Variants in HPSE2 observed in about 807,000 individuals in gnomAD.
The protein encoded by HPSE2 is heparanase 2 (inactive), also known as inactive heparanase-2.
In HPSE2, 38 loss-of-function variants were observed where a neutral mutation model predicts 60.5. The ratio of observed to expected loss-of-function variants is 0.63; its 90% CI spans 0.48 to 0.82. The LOEUF (loss-of-function observed/expected upper bound fraction) is 0.82, where lower values mean the gene tolerates loss of function less well. Ranked by LOEUF, HPSE2 falls within the 40% of genes least tolerant of loss-of-function variation. HPSE2 has a pLI of 0.00. For synonymous variants in HPSE2, 295 were observed against 293.2 expected, an observed-to-expected ratio of 1.01 and a Z score of -0.06; for missense variants, 713 against 740.4, an observed-to-expected ratio of 0.96 and a Z score of 0.43.
intron 3 of HPSE2, among the ~76,000 whole-genome samples, chr10:98,823,241 G>T (rs1360962932): frequency 1.3e-5 from 2 of 152,196 alleles, no homozygotes; most frequent in Non-Finnish European, 2.9e-5. Context: ...CAAAGTGTAG[G>T]ATGATAAATT....
the HPSE2 span, among the ~76,000 whole-genome samples, chr10:99,242,361 CTCA>C: frequency 6.6e-6 from 1 of 152,138 alleles, no homozygotes; most frequent in East Asian, 1.9e-4. Context: ...ATTGCTCCAC[CTCA>C]TCATATTAAG....
chr10:98,834,859 T>C (rs1951758085), intron 3 of HPSE2, among the ~76,000 whole-genome samples: 1 of 152,132 alleles, frequency 6.6e-6, no homozygotes, highest in Non-Finnish European at 1.5e-5. Flanking sequence ...AACAATGTCA[T>C]TCTTCTCACC....
At chr10:98,766,658 C>T (rs556342120) in intron 3 of HPSE2, among the ~76,000 whole-genome samples, 7 of 152,262 alleles carry the variant, frequency 4.6e-5, no homozygotes, top group South Asian at 4.1e-4. Flanking sequence ...GGTGTGGTGA[C>T]GCATGCCTGT....
At chr10:99,285,567 G>C in the HPSE2 span, among the ~76,000 whole-genome samples, 1 of 151,070 alleles carries the variant, frequency 6.6e-6, no homozygotes, top group Non-Finnish European at 1.5e-5. Flanking sequence ...GGAAGGGAAA[G>C]GTGAGGGATG....
chr10:98,764,264 T>C (rs1950070487), intron 3 of HPSE2, among the ~76,000 whole-genome samples: 1 of 151,798 alleles, frequency 6.6e-6, no homozygotes, highest in East Asian at 1.9e-4. Flanking sequence ...TAGTCAAAAA[T>C]CAATAAATTC....
intron 3 of HPSE2, among the ~76,000 whole-genome samples, chr10:98,946,996 G>A (rs1785192076): frequency 6.9e-6 from 1 of 145,598 alleles, no homozygotes; most frequent in South Asian, 2.1e-4. Flanking sequence ...AAACCATGGG[G>A]CCCATAAGGA....
At chr10:98,856,061 T>C (rs540671865) in intron 3 of HPSE2, among the ~76,000 whole-genome samples, 25 of 152,192 alleles carry the variant, frequency 1.6e-4, no homozygotes, top group East Asian at 1.5e-3. Flanking sequence ...ACTCCTGAGG[T>C]TGACTCAAAC....
At chr10:98,783,067 T>C (rs1032406172) in intron 3 of HPSE2, among the ~76,000 whole-genome samples, 1 of 94,840 alleles carries the variant, frequency 1.1e-5, no homozygotes, top group Non-Finnish European at 2.1e-5. Flanking sequence ...ATTAGGTATA[T>C]CTCCCAATGC....
intron 3 of HPSE2, among the ~76,000 whole-genome samples, chr10:99,128,619 G>T (rs1051069967): frequency 2.0e-5 from 3 of 152,032 alleles, no homozygotes; most frequent in African/African-American, 7.2e-5. Flanking sequence ...CTTATAAGTG[G>T]GACCTAAACA....
intron 11 of HPSE2, chr10:98,461,949 G>A (rs1389348195): frequency 1.4e-6 from 1 of 730,120 alleles, no homozygotes; most frequent in African/African-American, 1.8e-5. Context: ...GTAGAACCAG[G>A]AAGCATGGTG....
chr10:98,552,445 A>G (rs373442960), intron 9 of HPSE2, among the ~76,000 whole-genome samples: 74 of 152,290 alleles, frequency 4.9e-4, no homozygotes, highest in Middle Eastern at 6.8e-3. Flanking sequence ...AAAGCGGGAT[A>G]TAAGGGTCTG....
rs376584258 is a variant in HPSE2 at position 98,905,599 on chromosome 10, C to G, written c.611-161543G>C. 6.5e-4 allele frequency among the ~76,000 whole-genome samples: 99 copies of G among 152,252 alleles called. 1 individual carries two copies. The East Asian group carries it at 0.011, about 17-fold the overall frequency. ...GGATATACCCATGGCATTTCAGTGA[C>G]CCCTGCTCCCAGACCAGCATTAAAC... is the stretch of plus-strand genomic sequence containing the variant. On this transcript the variant is annotated intron_variant, in intron 3 of 11. Coordinates refer to ENST00000370552, the MANE Select transcript of HPSE2 (RefSeq NM_021828.5).
At chr10:98,549,173 C>T (rs893643904) in intron 9 of HPSE2, among the ~76,000 whole-genome samples, 2 of 152,102 alleles carry the variant, frequency 1.3e-5, no homozygotes, top group Non-Finnish European at 2.9e-5. Context: ...GCTTATACCA[C>T]TTACTGTCTC....
chr10:99,266,946 G>A, the HPSE2 span, among the ~76,000 whole-genome samples: 1 of 152,174 alleles, frequency 6.6e-6, no homozygotes, highest in Non-Finnish European at 1.5e-5. Context: ...CCTAGGGGAA[G>A]GGGGAGAATA....
intron 2 of HPSE2, among the ~76,000 whole-genome samples, chr10:99,191,566 G>A (rs1848223649): frequency 6.6e-6 from 1 of 152,184 alleles, no homozygotes; most frequent in Non-Finnish European, 1.5e-5. Flanking sequence ...CTTGGCTTGG[G>A]GTGCCCCCTC....
intron 5 of HPSE2, among the ~76,000 whole-genome samples, chr10:98,716,893 G>C (rs974329160): frequency 2.6e-5 from 4 of 151,952 alleles, no homozygotes; most frequent in Non-Finnish European, 5.9e-5. Flanking sequence ...TGTTATCCAG[G>C]CTGTATTGTT....
intron 3 of HPSE2, among the ~76,000 whole-genome samples, chr10:98,868,976 G>A (rs1340188464): frequency 2.6e-5 from 4 of 151,946 alleles, no homozygotes; most frequent in African/African-American, 7.3e-5. Context: ...ATTTAGACTT[G>A]CTTTTTGTGG....
At chr10:98,772,076 C>T (rs909632166) in intron 3 of HPSE2, among the ~76,000 whole-genome samples, 2 of 152,042 alleles carry the variant, frequency 1.3e-5, no homozygotes, top group African/African-American at 2.4e-5. Flanking sequence ...TGGGCAATAA[C>T]CGTAAGGATG....
chr10:99,281,071 C>T, the HPSE2 span, among the ~76,000 whole-genome samples: 4 of 151,612 alleles, frequency 2.6e-5, no homozygotes, highest in African/African-American at 4.8e-5. Context: ...AGAGTTAGTA[C>T]GTATTAAAAA....
Sources: allele counts gnomAD v4.1 joint callset (sites outside exome capture counted in the v4.1 genomes callset), GRCh38; gene constraint gnomAD v4.1.1; transcripts MANE v1.5; gene names NCBI Gene and HGNC (gene_info 2026-07-23, HGNC 2026-07-21).